The following MAP2K6 variants were observed in gnomAD, a reference collection of about 807,000 sequenced individuals.
The protein encoded by MAP2K6 is dual specificity mitogen-activated protein kinase kinase 6.
MAP2K6 carries 16 observed loss-of-function variants against 53.7 expected under a neutral mutation model. The observed-to-expected ratio is 0.30, with a 90% CI of 0.20 to 0.45. The LOEUF (loss-of-function observed/expected upper bound fraction) is 0.45, where lower values mean the gene tolerates loss of function less well. Among genes scored for constraint, MAP2K6 ranks in the 20% least tolerant of loss-of-function variants. The pLI is 1.00. For synonymous variants in MAP2K6, 132 were observed against 143.1 expected (o/e 0.92, Z 0.55); for missense variants, 204 against 411.9 (o/e 0.50, Z 4.37).
intron 1 of MAP2K6, among the ~76,000 whole-genome samples, chr17:69,439,751 C>G (rs1460201219): frequency 6.6e-6 from 1 of 152,146 alleles, no homozygotes. Flanking sequence ...CTAATCATTT[C>G]TTTTGGTATT....
At chr17:69,539,864 A>G (rs866512736) in intron 11 of MAP2K6, among the ~76,000 whole-genome samples, 1 of 152,160 alleles carries the variant, frequency 6.6e-6, no homozygotes. Context: ...AGTCCTTGGT[A>G]AGTGTGCTGT....
intron 1 of MAP2K6, among the ~76,000 whole-genome samples, chr17:69,465,896 G>A (rs1164107591): frequency 1.3e-5 from 2 of 151,206 alleles, no homozygotes; most frequent in Admixed American, 1.3e-4. Context: ...TGGGATTACA[G>A]GCATGAGCCA....
At chr17:69,485,409 T>G (rs537338256) in intron 1 of MAP2K6, 2 of 907,972 alleles carry the variant, frequency 2.2e-6, no homozygotes, top group South Asian at 1.0e-4. Flanking sequence ...CAGAGTTGTT[T>G]GCCTGTTTGA....
intron 1 of MAP2K6, among the ~76,000 whole-genome samples, chr17:69,419,913 C>CAAAA (rs56888655): frequency 1.5e-5 from 2 of 137,586 alleles, no homozygotes; most frequent in Admixed American, 7.3e-5. Flanking sequence ...GACTTCATCT[C>CAAAA]AAAAAAAAAA....
intron 1 of MAP2K6, among the ~76,000 whole-genome samples, chr17:69,453,408 C>G (rs1043109278): frequency 6.6e-6 from 1 of 152,140 alleles, no homozygotes; most frequent in African/African-American, 2.4e-5. Context: ...GGCCCTTGGG[C>G]AGTAGCTTGC....
rs1184987781 is a variant in MAP2K6, at chr17:69,542,129, A to AT, written c.*379dup. On this transcript the variant is annotated 3_prime_UTR_variant, in exon 12 of 12. Coordinates refer to ENST00000590474, the MANE Select transcript of MAP2K6 (RefSeq NM_002758.4). The stretch of plus-strand genomic sequence containing the variant: ...TATAAGTAGATTTGTAGTTTGTCCC[A>AT]TTTATTATTTTAATATTTATGTTTA... 1 of 153,038 alleles carries AT rather than the reference A, an allele frequency of 6.5e-6. No homozygotes were observed. The highest frequency in any genetic ancestry group is 2.4e-5 in the African/African-American group (1 of 41,460). The allele number at this position is 153,038 out of a possible 1,614,324, so 9.5% of individuals were successfully genotyped here.
intron 1 of MAP2K6, among the ~76,000 whole-genome samples, chr17:69,461,736 G>A (rs1907628983): frequency 6.6e-6 from 1 of 152,094 alleles, no homozygotes; most frequent in African/African-American, 2.4e-5. Context: ...TTGCATCCTC[G>A]TCCCAAGTCT....
chr17:69,496,274 C>CT (rs10676734), intron 1 of MAP2K6, among the ~76,000 whole-genome samples: 78,610 of 140,264 alleles, frequency 0.56, 22,218 homozygotes, highest in Middle Eastern at 0.67. Context: ...GCCTTCCCTT[C>CT]TTTTTTTTTT....
At chr17:69,530,606 C>G (rs1654077529) in intron 10 of MAP2K6, among the ~76,000 whole-genome samples, 1 of 152,128 alleles carries the variant, frequency 6.6e-6, no homozygotes, top group Admixed American at 6.5e-5. Flanking sequence ...CATGCAAGCT[C>G]TCCTATTTCA....
chr17:69,502,437 T>C, intron 1 of MAP2K6: 1 of 985,460 alleles, frequency 1.0e-6, no homozygotes, highest in South Asian at 4.7e-5. Context: ...CTGCAGAGTG[T>C]TGCTGTGTGT....
chr17:69,512,998 GA>G (rs1909943516), intron 2 of MAP2K6, among the ~76,000 whole-genome samples: 1 of 152,134 alleles, frequency 6.6e-6, no homozygotes, highest in African/African-American at 2.4e-5. Context: ...TCCAGGGGAA[GA>G]ATTTTTGTAA....
chr17:69,513,183 AT>A (rs1188152822), intron 2 of MAP2K6, among the ~76,000 whole-genome samples: 2 of 152,110 alleles, frequency 1.3e-5, no homozygotes, highest in Non-Finnish European at 2.9e-5. Flanking sequence ...TGGCCCCATC[AT>A]TTGATATTTT....
At chr17:69,446,051 A>C (rs1906955267) in intron 1 of MAP2K6, among the ~76,000 whole-genome samples, 1 of 152,244 alleles carries the variant, frequency 6.6e-6, no homozygotes, top group Admixed American at 6.5e-5. Flanking sequence ...GGTTTTAAGC[A>C]AGAAAAGAAG....
rs1013392295 is a variant in MAP2K6, at chr17:69,494,019, C to G, written c.17-11761C>G. On this transcript the variant is annotated intron_variant, in intron 1 of 11. Coordinates refer to ENST00000590474, the MANE Select transcript of MAP2K6 (RefSeq NM_002758.4). The surrounding 1 kb of genome is among the most constrained non-coding windows in gnomAD (Gnocchi z 4.2). ...TAAGTGAGGCCACCTGCAAAGTAGT[C>G]TTGCCAAACAATCTGATCAAGTTGA... Among the ~76,000 whole-genome samples the G allele has an allele frequency of 2.0e-5, 3 of 152,158 alleles. No individual in the cohort carries two copies. The highest frequency in any genetic ancestry group is 2.9e-5 in the Non-Finnish European group (2 of 68,036).
At chr17:69,460,869 G>T (rs1018978922) in intron 1 of MAP2K6, among the ~76,000 whole-genome samples, 1 of 152,184 alleles carries the variant, frequency 6.6e-6, no homozygotes, top group African/African-American at 2.4e-5. Context: ...CAAGGTGCTG[G>T]GATTACAGGC....
At chr17:69,538,071 T>C (rs1321255894) in intron 11 of MAP2K6, among the ~76,000 whole-genome samples, 5 of 152,294 alleles carry the variant, frequency 3.3e-5, no homozygotes, top group South Asian at 2.1e-4. Flanking sequence ...AGTCTCATTA[T>C]GTTGCCCAGG....
At chr17:69,427,240 A>AT (rs1273732442) in intron 1 of MAP2K6, among the ~76,000 whole-genome samples, 2 of 152,168 alleles carry the variant, frequency 1.3e-5, no homozygotes, top group Non-Finnish European at 2.9e-5. Context: ...AACCTGTTCA[A>AT]TGTACTTTTG....
At chr17:69,437,141 G>C (rs1906671555) in intron 1 of MAP2K6, among the ~76,000 whole-genome samples, 1 of 152,150 alleles carries the variant, frequency 6.6e-6, no homozygotes, top group East Asian at 1.9e-4. Flanking sequence ...ATAACTTTTG[G>C]CTCCCCTAAA....
intron 1 of MAP2K6, among the ~76,000 whole-genome samples, chr17:69,475,327 C>T (rs1908114180): frequency 7.2e-6 from 1 of 138,998 alleles, no homozygotes; most frequent in African/African-American, 2.7e-5. Context: ...CGCCAACACG[C>T]CCGGCTAATT....
Sources: gnomAD v4.1 joint callset for allele counts (sites outside exome capture counted in the v4.1 genomes callset) on GRCh38, gnomAD v4.1.1 for gene constraint, Gnocchi (gnomAD v3.1) non-coding constraint, MANE v1.5 for transcripts, NCBI Gene and HGNC (gene_info 2026-07-23, HGNC 2026-07-21) for gene names.